Variants in HSD17B12 observed in about 807,000 individuals in gnomAD.
HSD17B12 encodes the protein very-long-chain 3-oxoacyl-CoA reductase.
In HSD17B12, 32 loss-of-function variants were observed where a neutral mutation model predicts 39.3. The observed-to-expected ratio is 0.81, with a 90% CI of 0.61 to 1.09. The LOEUF is 1.09. Among genes scored for constraint, HSD17B12 ranks in the 50% least tolerant of loss-of-function variants. HSD17B12 has a pLI of 0.00. For missense variants in HSD17B12, 342 were observed against 382.9 expected (o/e 0.89, Z 0.89); for synonymous variants, 150 against 146.7 (o/e 1.02, Z -0.16).
the HSD17B12 span, among the ~76,000 whole-genome samples, chr11:43,575,306 A>G: frequency 6.6e-6 from 1 of 152,216 alleles, no homozygotes; most frequent in Non-Finnish European, 1.5e-5. This position sits in a 1 kb window ranked among gnomAD's most constrained non-coding sequence, Gnocchi z 4.1. Context: ...AGAGAGCAGG[A>G]GGGAGAGAGC....
At chr11:43,633,814 C>A in the HSD17B12 span, among the ~76,000 whole-genome samples, 2 of 152,038 alleles carry the variant, frequency 1.3e-5, no homozygotes, top group Non-Finnish European at 2.9e-5. Context: ...GTGGCTCACA[C>A]TTGTAATCCC....
At chr11:43,708,602 T>C (rs572252593) in intron 1 of HSD17B12, among the ~76,000 whole-genome samples, 100 of 152,250 alleles carry the variant, frequency 6.6e-4, no homozygotes, top group African/African-American at 2.3e-3. Flanking sequence ...CACATTCTCA[T>C]GGAGATGTCT....
At chr11:43,851,393 C>T (rs1265787524) in intron 9 of HSD17B12, among the ~76,000 whole-genome samples, 1 of 152,172 alleles carries the variant, frequency 6.6e-6, no homozygotes, top group Non-Finnish European at 1.5e-5. Context: ...AACTAATTAT[C>T]CCTTGTTGGG....
chr11:43,667,185 T>C, the HSD17B12 span, among the ~76,000 whole-genome samples: 3 of 152,168 alleles, frequency 2.0e-5, no homozygotes, highest in Admixed American at 6.5e-5. Flanking sequence ...AGAGTATCAC[T>C]CTATGGCCCA....
At chr11:43,736,275 C>T (rs892136382) in intron 1 of HSD17B12, among the ~76,000 whole-genome samples, 3 of 152,066 alleles carry the variant, frequency 2.0e-5, no homozygotes, top group African/African-American at 7.2e-5. Context: ...AGCAAATCTG[C>T]TTTTCACAGT....
Position 43,739,936 on chromosome 11 carries a change from G to A in HSD17B12, c.161-10975G>A, listed in dbSNP as rs140756942. Reference sequence around the variant, plus strand: ...AGTGACAGGTTTTAGGCAGGGAAGTGAAGTTCAGATTTGCACTTTGGAGTG... The same window carrying A: ...AGTGACAGGTTTTAGGCAGGGAAGTAAAGTTCAGATTTGCACTTTGGAGTG... On this transcript the variant is annotated intron_variant, in intron 1 of 10. Transcript: ENST00000278353. Among the ~76,000 whole-genome samples the A allele has an allele frequency of 1.6e-3, 249 of 152,270 alleles. 1 individual carries two copies. The highest frequency in any genetic ancestry group is 5.7e-3 in the African/African-American group (237 of 41,552).
chr11:43,593,322 A>C, the HSD17B12 span, among the ~76,000 whole-genome samples: 1 of 152,210 alleles, frequency 6.6e-6, no homozygotes, highest in Non-Finnish European at 1.5e-5. Context: ...CCACATAAAT[A>C]AACTAAATAT....
intron 1 of HSD17B12, among the ~76,000 whole-genome samples, chr11:43,741,736 T>TA (rs1401218058): frequency 1.4e-5 from 2 of 145,438 alleles, no homozygotes; most frequent in African/African-American, 5.0e-5. Context: ...TTCTTTTTCT[T>TA]TTTTTTTTTT....
chr11:43,710,155 T>G (rs1355796382), intron 1 of HSD17B12, among the ~76,000 whole-genome samples: 1 of 152,226 alleles, frequency 6.6e-6, no homozygotes, highest in African/African-American at 2.4e-5. Context: ...GCTTTCTTTT[T>G]CTTAACTCTT....
chr11:43,720,106 ATCTTATGGACAAACC>A lies in HSD17B12; in HGVS notation c.161-30801_161-30787del, dbSNP rs559354930. 6.3e-3 allele frequency among the ~76,000 whole-genome samples: 965 copies of A among 152,324 alleles called. 6 individuals carry two copies. The highest frequency in any genetic ancestry group is 0.022 in the African/African-American group (917 of 41,570). ...TATATTTTCAAGGTCTCAACAAAAG[ATCTTATGGACAAACC>A]TCTGATTTGATATCTCCCCAGAGAC... On this transcript the variant is annotated intron_variant, in intron 1 of 10. Transcript: ENST00000278353.
intron 1 of HSD17B12, among the ~76,000 whole-genome samples, chr11:43,730,729 A>AG (rs1270872345): frequency 1.3e-5 from 2 of 152,264 alleles, no homozygotes; most frequent in Non-Finnish European, 2.9e-5. Context: ...TAAAGTACCT[A>AG]GGGGTGTGCT....
At chr11:43,680,727 C>A (rs933584907), upstream of HSD17B12, 12 of 1,045,506 alleles carry the variant, frequency 1.1e-5, no homozygotes, top group Admixed American at 3.6e-5. Flanking sequence ...GTCGGAGCAG[C>A]GCCTATTAGT....
chr11:43,603,663 C>T, the HSD17B12 span, among the ~76,000 whole-genome samples: 1 of 152,162 alleles, frequency 6.6e-6, no homozygotes, highest in Admixed American at 6.5e-5. Flanking sequence ...CACTGCCACT[C>T]TTAAAAAATA....
chr11:43,604,684 C>G, the HSD17B12 span, among the ~76,000 whole-genome samples: 1 of 152,040 alleles, frequency 6.6e-6, no homozygotes, highest in Non-Finnish European at 1.5e-5. Flanking sequence ...ACACAAGTCC[C>G]TTGGATCTGG....
At chr11:43,742,002 G>A (rs537050972) in intron 1 of HSD17B12, among the ~76,000 whole-genome samples, 250 of 149,704 alleles carry the variant, frequency 1.7e-3, no homozygotes, top group African/African-American at 5.8e-3. Flanking sequence ...CCAAAGTGCT[G>A]GGATTACAGG....
chr11:43,695,869 CA>C (rs760082974), intron 1 of HSD17B12, among the ~76,000 whole-genome samples: 4 of 152,022 alleles, frequency 2.6e-5, no homozygotes, highest in Non-Finnish European at 5.9e-5. Flanking sequence ...ATTTTAAGTT[CA>C]GGGGTGCAAG....
the HSD17B12 span, among the ~76,000 whole-genome samples, chr11:43,674,322 A>C: frequency 1.3e-5 from 2 of 152,212 alleles, no homozygotes; most frequent in Non-Finnish European, 2.9e-5. Flanking sequence ...TTCAGCGACA[A>C]AGGATTGTTG....
At chr11:43,665,898 C>T in the HSD17B12 span, among the ~76,000 whole-genome samples, 2 of 152,204 alleles carry the variant, frequency 1.3e-5, no homozygotes, top group African/African-American at 4.8e-5. Flanking sequence ...CTGCTGATAT[C>T]AGCCTATATT....
chr11:43,665,930 C>T, the HSD17B12 span, among the ~76,000 whole-genome samples: 2 of 152,178 alleles, frequency 1.3e-5, no homozygotes, highest in African/African-American at 2.4e-5. Context: ...TGTCAACCCA[C>T]GGAGTAGACA....
Sources: allele counts gnomAD v4.1 joint callset (sites outside exome capture counted in the v4.1 genomes callset), GRCh38; gene constraint gnomAD v4.1.1; non-coding constraint Gnocchi (gnomAD v3.1); transcripts MANE v1.5; gene names NCBI Gene and HGNC (gene_info 2026-07-23, HGNC 2026-07-21).